The following ENPEP variants were observed in gnomAD, a reference collection of about 807,000 sequenced individuals.
ENPEP encodes glutamyl aminopeptidase.
Under a neutral mutation model 114.5 loss-of-function variants are expected in ENPEP, and 103 were observed. The ratio of observed to expected loss-of-function variants is 0.90; its 90% CI spans 0.77 to 1.06. ENPEP has a LOEUF of 1.06. Ranked by LOEUF, ENPEP falls within the 50% of genes least tolerant of loss-of-function variation. The pLI, the probability that ENPEP is intolerant of heterozygous loss-of-function variation, is 0.00. For missense variants in ENPEP, 1,196 were observed against 1,161.3 expected (o/e 1.03, Z -0.43); for synonymous variants, 420 against 422.0 (o/e 1.00, Z 0.06).
At chr4:110,494,822 G>A (rs1396323685) in intron 3 of ENPEP, among the ~76,000 whole-genome samples, 1 of 152,146 alleles carries the variant, frequency 6.6e-6, no homozygotes, top group Non-Finnish European at 1.5e-5. Context: ...GAATAGTTTA[G>A]CAACAATTGA....
At chr4:110,534,109 T>G (rs1456606998) in intron 11 of ENPEP, among the ~76,000 whole-genome samples, 2 of 152,210 alleles carry the variant, frequency 1.3e-5, no homozygotes, top group Non-Finnish European at 2.9e-5. Context: ...ATGACGAACA[T>G]GTCCTGAGTG....
intron 11 of ENPEP, chr4:110,533,268 A>G (rs1247563192): frequency 7.6e-6 from 2 of 263,328 alleles, no homozygotes; most frequent in Non-Finnish European, 1.6e-5. Flanking sequence ...ATGCATTTCA[A>G]GAGTTCACAA....
At chr4:110,519,760 A>G (rs1725912135) in intron 8 of ENPEP, among the ~76,000 whole-genome samples, 1 of 152,186 alleles carries the variant, frequency 6.6e-6, no homozygotes, top group Admixed American at 6.5e-5. Context: ...AGGCTCATAA[A>G]CTAAATATGG....
At chr4:110,497,570 T>C (rs1478489488) in intron 3 of ENPEP, among the ~76,000 whole-genome samples, 6 of 152,150 alleles carry the variant, frequency 3.9e-5, no homozygotes. Context: ...AATTTTAACT[T>C]AAATGGAAAG....
chr4:110,502,006 G>T (rs1488844776), intron 3 of ENPEP, among the ~76,000 whole-genome samples: 1 of 152,064 alleles, frequency 6.6e-6, no homozygotes, highest in Non-Finnish European at 1.5e-5. Flanking sequence ...ATCTCATTGT[G>T]GTTTTGATTT....
intron 19 of ENPEP, 146 bp from the exon 20 acceptor site, chr4:110,561,260 A>G: frequency 1.2e-6 from 1 of 828,278 alleles, no homozygotes; most frequent in Non-Finnish European, 1.9e-6. Flanking sequence ...GTTCAGTCTG[A>G]ATGATGCGCC....
intron 11 of ENPEP, among the ~76,000 whole-genome samples, chr4:110,531,540 T>C (rs1726406380): frequency 6.6e-6 from 1 of 152,150 alleles, no homozygotes; most frequent in African/African-American, 2.4e-5. Context: ...GCCCAACAAT[T>C]GGAAGATCAA....
At chr4:110,510,407 G>A (rs756625846) in intron 6 of ENPEP, 49 bp downstream of exon 6, 2 of 1,454,236 alleles carry the variant, frequency 1.4e-6, no homozygotes, top group South Asian at 2.3e-5. Flanking sequence ...CTCATGCAAA[G>A]CAGATGGAAG....
intron 3 of ENPEP, among the ~76,000 whole-genome samples, chr4:110,495,238 C>A (rs1326516696): frequency 1.3e-5 from 2 of 152,020 alleles, no homozygotes; most frequent in African/African-American, 4.8e-5. Context: ...AGGTTTAATT[C>A]ATGTACATTA....
At chr4:110,490,980 A>G in intron 2 of ENPEP, 53 bp from the exon 3 acceptor site, 2 of 1,568,224 alleles carry the variant, frequency 1.3e-6, no homozygotes, top group Non-Finnish European at 1.7e-6. Context: ...TTTGTCTTGC[A>G]TATATATGAT....
intron 10 of ENPEP, among the ~76,000 whole-genome samples, chr4:110,526,572 G>A (rs952159836): frequency 2.0e-5 from 3 of 152,142 alleles, no homozygotes; most frequent in African/African-American, 7.2e-5. Flanking sequence ...AGGTGAAGAC[G>A]AAGAGGAAGG....
At chr4:110,521,827 G>A (rs576754018) in intron 10 of ENPEP, among the ~76,000 whole-genome samples, 16 of 151,312 alleles carry the variant, frequency 1.1e-4, no homozygotes, top group African/African-American at 3.9e-4. Context: ...AAATATAAAA[G>A]AGAAGACAAA....
chr4:110,543,162 A>G (rs925677317), intron 13 of ENPEP, 92 bp downstream of exon 13: 1 of 1,204,270 alleles, frequency 8.3e-7, no homozygotes, highest in Non-Finnish European at 1.2e-6. Context: ...GTATTAATCA[A>G]TTTTAGCTTA....
At position 110,520,326 on chromosome 4, in the gene ENPEP, G is replaced by C; in HGVS notation, c.1687G>C (p.Asp563His). The C allele has an allele frequency of 6.2e-7, 1 of 1,614,000 alleles. No homozygotes were observed. Among genetic ancestry groups the C allele is most frequent in the South Asian group, 1.1e-5 (1 of 91,078 alleles). The change falls in exon 10 of 20, where the codon GAC becomes CAC. Residue 563 changes from aspartate to histidine, a missense_variant. Coordinates refer to ENST00000265162, the MANE Select transcript of ENPEP (RefSeq NM_001977.4). Reference protein sequence around the residue: ...KNITQKRFLLDPRANPSQPPS... With the variant: ...KNITQKRFLLHPRANPSQPPS... ...CATCACACAGAAACGCTTTTTGTTG[G>C]ACCCAAGAGCTAACCCTTCTCAGCC...
chr4:110,547,721 G>A (rs946735128), intron 13 of ENPEP, among the ~76,000 whole-genome samples: 1 of 151,982 alleles, frequency 6.6e-6, no homozygotes, highest in African/African-American at 2.4e-5. Context: ...AATGTTTTAA[G>A]CATTCAGGAT....
At chr4:110,539,619 G>A (rs901552609) in intron 11 of ENPEP, among the ~76,000 whole-genome samples, 1 of 152,046 alleles carries the variant, frequency 6.6e-6, no homozygotes, top group African/African-American at 2.4e-5. Flanking sequence ...TCTCAAACTG[G>A]TCTCAAGCAG....
chr4:110,517,539 G>A (rs1321157640), intron 8 of ENPEP, among the ~76,000 whole-genome samples: 1 of 152,166 alleles, frequency 6.6e-6, no homozygotes, highest in Non-Finnish European at 1.5e-5. Context: ...CTTTGATAGA[G>A]AAGTACTAAG....
chr4:110,497,360 C>T (rs1342492832), intron 3 of ENPEP, among the ~76,000 whole-genome samples: 1 of 151,844 alleles, frequency 6.6e-6, no homozygotes, highest in Non-Finnish European at 1.5e-5. Flanking sequence ...TTATTAATCT[C>T]CCTTGAAGGA....
intron 2 of ENPEP, among the ~76,000 whole-genome samples, chr4:110,490,734 C>T (rs1262695276): frequency 6.6e-6 from 1 of 152,172 alleles, no homozygotes; most frequent in Non-Finnish European, 1.5e-5. Context: ...ATATTATGGT[C>T]AGCATGATGT....
Sources: gnomAD v4.1 joint callset for allele counts (sites outside exome capture counted in the v4.1 genomes callset) on GRCh38, gnomAD v4.1.1 for gene constraint, MANE v1.5 for transcripts, NCBI Gene and HGNC (gene_info 2026-07-23, HGNC 2026-07-21) for gene names.